The following ALB variants were observed in gnomAD, a reference collection of about 807,000 sequenced individuals.
ALB encodes albumin.
ALB carries 37 observed loss-of-function variants against 74.5 expected under a neutral mutation model. The observed-to-expected ratio is 0.50, with a 90% CI of 0.38 to 0.65. The LOEUF (loss-of-function observed/expected upper bound fraction) is 0.65. Among genes scored for constraint, ALB ranks in the 30% least tolerant of loss-of-function variants. The pLI is 0.00. For missense variants in ALB, 685 were observed against 718.7 expected (o/e 0.95, Z 0.54); for synonymous variants, 249 against 251.6 (o/e 0.99, Z 0.10).
At chr4:73,409,610 C>T (rs1718821645) in intron 5 of ALB, 123 bp downstream of exon 5, 6 of 1,192,062 alleles carry the variant, frequency 5.0e-6, no homozygotes, top group East Asian at 4.7e-5. Context: ...AAAAAGCCTT[C>T]CTTTTATCTG....
intron 10 of ALB, 104 bp downstream of exon 10, chr4:73,416,457 C>A: frequency 1.2e-6 from 1 of 823,622 alleles, no homozygotes; most frequent in South Asian, 1.5e-5. Context: ...AAATACATTG[C>A]ATATTTCTAA....
intron 4 of ALB, 119 bp downstream of exon 4, chr4:73,408,924 T>C: frequency 1.1e-6 from 1 of 922,896 alleles, no homozygotes; most frequent in African/African-American, 1.7e-5. Context: ...GGAAGTTTTG[T>C]TATGATGATT....
intron 7 of ALB, 101 bp downstream of exon 7, chr4:73,412,226 G>A: frequency 7.0e-7 from 1 of 1,426,268 alleles, no homozygotes; most frequent in Non-Finnish European, 9.8e-7. Context: ...GGTTGAGATT[G>A]TCTTCTGTGC....
Position 73,405,185 on chromosome 4 carries a change from T to C in ALB, c.137+12T>C. The stretch of plus-strand genomic sequence containing the variant: ...AATTTCAAAGCCTTGTAAGTTAAAA[T>C]ATTGATGAATCAAATTTAATGTTTC... On this transcript the variant is annotated intron_variant, in intron 2 of 14. Coordinates refer to ENST00000295897, the MANE Select transcript of ALB (RefSeq NM_000477.7). 1.3e-6 allele frequency: 2 copies of C among 1,587,152 alleles called. No homozygotes were observed. The highest frequency in any genetic ancestry group is 1.7e-6 in the Non-Finnish European group (2 of 1,155,636).
rs1025584571 is a variant in ALB at position 73,421,197 on chromosome 4, C to A, written c.*129C>A. ...CACCCTGTCTAAAAAACATAAATTT[C>A]TTTAATCATTTTGCCTCTTTTCTCT... On this transcript the variant is annotated 3_prime_UTR_variant, in exon 15 of 15. Transcript: ENST00000295897. 1.2e-5 allele frequency: 8 copies of A among 650,340 alleles called. No individual in the cohort carries two copies. In the African/African-American group the frequency reaches 1.3e-4, roughly 10 times the overall value. 40.3% of individuals were successfully genotyped at this position (650,340 alleles called of 1,614,324 possible).
chr4:73,409,152 C>G (rs1718805281), intron 4 of ALB: 1 of 622,920 alleles, frequency 1.6e-6, no homozygotes, highest in Admixed American at 3.0e-5. Flanking sequence ...TTTATGCACA[C>G]ACACACACAC....
chr4:73,419,312 T>G, intron 12 of ALB, 195 bp from the exon 13 acceptor site: 3 of 605,748 alleles, frequency 5.0e-6, no homozygotes, highest in Admixed American at 3.1e-5. Flanking sequence ...TGAAAGTGGA[T>G]TTTATTATCC....
intron 12 of ALB, 130 bp downstream of exon 12, chr4:73,418,441 AT>A: frequency 2.4e-6 from 2 of 819,246 alleles, no homozygotes; most frequent in Non-Finnish European, 4.0e-6. Flanking sequence ...TGCCCTTATT[AT>A]GCTGATAAGA....
chr4:73,413,463 C>T lies in ALB; in HGVS notation c.887C>T (p.Ser296Phe). ...KYICENQDSI[S>F]SKLKECCEKP... ...ATCTGTGAAAATCAAGATTCGATCT[C>T]CAGTAAACTGAAGGAATGCTGTGAA... The change falls in exon 8 of 15, where the codon TCC becomes TTC. Residue 296 changes from serine to phenylalanine, a missense_variant. Ser to Phe is a radical substitution (Grantham distance 155, BLOSUM62 -2). Transcript: ENST00000295897. The T allele has an allele frequency of 6.2e-7, 1 of 1,614,138 alleles. No homozygotes were observed.
Position 73,419,494 on chromosome 4 carries a change from CA to C in ALB, c.1653-12del. The C allele has an allele frequency of 6.2e-7, 1 of 1,601,656 alleles. No homozygotes were observed. The highest frequency in any genetic ancestry group is 8.5e-7 in the Non-Finnish European group (1 of 1,175,912). On this transcript the variant is annotated splice_polypyrimidine_tract_variant and intron_variant, in intron 12 of 14. Coordinates refer to ENST00000295897, the MANE Select transcript of ALB (RefSeq NM_000477.7). ...TTTCTGTTTTTTTTTTTTCTTTTTC[CA>C]TTCAAACTCAGTGCACTTGTTGAGC...
At chr4:73,414,216 T>C (rs1718954743) in intron 8 of ALB, among the ~76,000 whole-genome samples, 1 of 152,222 alleles carries the variant, frequency 6.6e-6, no homozygotes, top group Admixed American at 6.5e-5. Flanking sequence ...ATTATGATAA[T>C]GCACTAAATA....
chr4:73,410,306 T>G lies in ALB; in HGVS notation c.616-6T>G. On this transcript the variant is annotated splice_region_variant and splice_polypyrimidine_tract_variant and intron_variant, in intron 5 of 14. Transcript: ENST00000295897. ...CTAATTTTCATCAAATTATTCCTTT[T>G]TGTAGCTCGATGAACTTCGGGATGA... 1 of 1,611,832 alleles carries G rather than the reference T, an allele frequency of 6.2e-7. No homozygotes were observed. The highest frequency in any genetic ancestry group is 8.5e-7 in the Non-Finnish European group (1 of 1,177,928).
intron 4 of ALB, 92 bp from the exon 5 acceptor site, chr4:73,409,256 CTTTGGAA>C (rs1718808093): frequency 9.1e-6 from 12 of 1,319,632 alleles, no homozygotes; most frequent in Admixed American, 1.9e-5. Context: ...AATTAGATAT[CTTTGGAA>C]TTTGGAGGTT....
rs1172045375 is a variant in ALB at position 73,420,226 on chromosome 4, C to G, written c.1786-28C>G. The G allele has an allele frequency of 6.9e-6, 11 of 1,604,690 alleles. No individual in the cohort carries two copies. The South Asian group carries it at 1.2e-4, about 18-fold the overall frequency. ...TCCTAATAGTAATGCTAATATTTTC[C>G]TAACATCTGTCATGTCTTTGTGTTC... On this transcript the variant is annotated intron_variant, in intron 13 of 14. Coordinates refer to ENST00000295897, the MANE Select transcript of ALB (RefSeq NM_000477.7).
rs1458761077 is a variant in ALB at position 73,418,133 on chromosome 4, C to T, written c.1474C>T (p.Pro492Ser). ...NQLCVLHEKT[P>S]VSDRVTKCCT... ...GTTATGTGTGTTGCATGAGAAAACG[C>T]CAGTAAGTGACAGAGTCACCAAATG... Residue 492 changes from proline (P) to serine (S), a missense_variant, in exon 12 of 15, where the codon CCA becomes TCA. Physicochemically the swap from Pro to Ser is moderately conservative, Grantham distance 74. Coordinates refer to ENST00000295897, the MANE Select transcript of ALB (RefSeq NM_000477.7). The T allele has an allele frequency of 1.9e-6, 3 of 1,614,024 alleles. No homozygotes were observed. The highest frequency in any genetic ancestry group is 2.5e-6 in the Non-Finnish European group (3 of 1,180,028).
chr4:73,404,441 T>C, intron 1 of ALB, 35 bp downstream of exon 1: 1 of 1,541,518 alleles, frequency 6.5e-7, no homozygotes, highest in South Asian at 1.1e-5. Context: ...TCAACTTTTA[T>C]TCTATTTTCC....
In ALB at chr4:73,419,608, C is replaced by A. The variant is rs1719097232; in HGVS notation, c.1754C>A (p.Ala585Asp). Residue 585 changes from alanine (A) to aspartate (D), a missense_variant, in exon 13 of 15, where the codon GCT (alanine) becomes GAT (aspartate). By Grantham distance (126) the Ala-to-Asp change is moderately radical. Transcript: ENST00000295897. ...FAAFVEKCCK[A>D]DDKETCFAEE... ...GCTTTTGTAGAGAAGTGCTGCAAGG[C>A]TGACGATAAGGAGACCTGCTTTGCC... 6.2e-7 allele frequency: 1 copy of A among 1,613,908 alleles called. No homozygotes were observed. Among genetic ancestry groups the A allele is most frequent in the Non-Finnish European group, 8.5e-7 (1 of 1,179,948 alleles).
At chr4:73,413,379 T>C (rs1373979359) in intron 7 of ALB, 41 bp from the exon 8 acceptor site, 7 of 1,540,572 alleles carry the variant, frequency 4.5e-6, no homozygotes, top group Non-Finnish European at 6.3e-6. Flanking sequence ...AGTGTAGCAA[T>C]GTCAATTCGT....
In ALB at chr4:73,410,324, C is replaced by G; in HGVS notation, c.628C>G (p.Arg210Gly). Residue 210 changes from arginine (R) to glycine (G), a missense_variant, in exon 6 of 15, where the codon CGG becomes GGG. Coordinates refer to ENST00000295897, the MANE Select transcript of ALB (RefSeq NM_000477.7). ...TTCCTTTTTGTAGCTCGATGAACTT[C>G]GGGATGAAGGGAAGGCTTCGTCTGC... ...ACLLPKLDEL[R>G]DEGKASSAKQ... is the part of the protein sequence containing the mutation. 1 of 1,613,540 alleles carries G rather than the reference C, an allele frequency of 6.2e-7. No individual in the cohort carries two copies. Among genetic ancestry groups the G allele is most frequent in the African/African-American group, 1.3e-5 (1 of 74,986 alleles).
Sources: allele counts gnomAD v4.1 joint callset (sites outside exome capture counted in the v4.1 genomes callset), GRCh38; gene constraint gnomAD v4.1.1; transcripts MANE v1.5; gene names NCBI Gene and HGNC (gene_info 2026-07-23, HGNC 2026-07-21).